Variants in CCDC170 observed in about 807,000 individuals in gnomAD.
CCDC170 encodes the protein coiled-coil domain containing 170.
A neutral mutation model predicts 72.6 loss-of-function variants in CCDC170; 69 were observed. That is an observed-to-expected ratio of 0.95 (90% confidence interval 0.78 to 1.16). CCDC170 has a LOEUF of 1.16. Ranked by LOEUF, CCDC170 falls within the 50% of genes most tolerant of loss-of-function variation. The pLI is 0.00. For synonymous variants in CCDC170, 300 were observed against 303.9 expected, an observed-to-expected ratio of 0.99 and a Z score of 0.13; for missense variants, 852 against 832.5, an observed-to-expected ratio of 1.02 and a Z score of -0.29.
At chr6:151,572,656 T>TTTTTTTGTTG (rs1220471572) in intron 5 of CCDC170, among the ~76,000 whole-genome samples, 57 of 135,680 alleles carry the variant, frequency 4.2e-4, no homozygotes, top group Non-Finnish European at 7.9e-4. Flanking sequence ...TGTGTTTTTT[T>TTTTTTTGTTG]TTTTTTTTTT....
chr6:151,531,774 G>A (rs887146204), intron 1 of CCDC170, among the ~76,000 whole-genome samples: 2 of 152,152 alleles, frequency 1.3e-5, no homozygotes, highest in South Asian at 2.1e-4. Flanking sequence ...GGCAGAAGGG[G>A]AAGAAAATAC....
At chr6:151,597,894 G>A (rs1314886837) in intron 9 of CCDC170, among the ~76,000 whole-genome samples, 2 of 152,180 alleles carry the variant, frequency 1.3e-5, no homozygotes, top group African/African-American at 4.8e-5. Flanking sequence ...GAAGGTTTCC[G>A]AATCTGGAAA....
chr6:151,611,909 C>T (rs1306636106), intron 9 of CCDC170, among the ~76,000 whole-genome samples: 2 of 152,074 alleles, frequency 1.3e-5, no homozygotes, highest in Non-Finnish European at 2.9e-5. Context: ...TGGGGTTTCA[C>T]TATCTTGGCC....
intron 7 of CCDC170, among the ~76,000 whole-genome samples, chr6:151,586,975 G>A (rs975939472): frequency 2.6e-5 from 4 of 151,856 alleles, no homozygotes; most frequent in South Asian, 2.1e-4. Context: ...TAGTAGAGAC[G>A]GGGTATCACT....
chr6:151,569,549 A>G (rs1776189472), intron 5 of CCDC170, among the ~76,000 whole-genome samples: 1 of 152,198 alleles, frequency 6.6e-6, no homozygotes, highest in Non-Finnish European at 1.5e-5. Context: ...GGTTTTGCTC[A>G]CAGGAAGCTT....
rs775942422 is a variant in CCDC170 at position 151,573,302 on chromosome 6, CT to C, written c.904del (p.Ser302LeufsTer8). 17 of 1,614,174 alleles carry C rather than the reference CT, an allele frequency of 1.1e-5. No homozygotes were observed. The highest frequency in any genetic ancestry group is 1.4e-5 in the Non-Finnish European group (17 of 1,180,026). ...AGGAAGTGAGCCTCCTGAAGAAAAG[CT>C]CTTCTGAGTTGGAGAAGAGTTTGAA... is the stretch of plus-strand genomic sequence containing the variant. ...KQEVSLLKKSSSELEKSLKAS... is the reference protein window; with the variant it reads ...KQEVSLLKKSXSELEKSLKAS... On this transcript the variant is annotated frameshift_variant, in exon 6 of 11. Transcript: ENST00000239374. LOFTEE classifies it high-confidence loss of function.
Position 151,596,324 on chromosome 6 carries a change from C to T in CCDC170, c.1468-11C>T. ...TTATTAAAAAAAAAATCCCTGTTTG[C>T]ATCAAACCAGCTAAAGACACAGAAA... On this transcript the variant is annotated splice_polypyrimidine_tract_variant and intron_variant, in intron 8 of 10. Coordinates refer to ENST00000239374, the MANE Select transcript of CCDC170 (RefSeq NM_025059.4). 1 of 1,584,790 alleles carries T rather than the reference C, an allele frequency of 6.3e-7. No homozygotes were observed. The highest frequency in any genetic ancestry group is 8.5e-7 in the Non-Finnish European group (1 of 1,169,750).
chr6:151,581,311 T>A (rs993051548), intron 6 of CCDC170, among the ~76,000 whole-genome samples: 3 of 152,250 alleles, frequency 2.0e-5, no homozygotes, highest in African/African-American at 7.2e-5. Context: ...TTATGTTATA[T>A]TCTAAATGTT....
chr6:151,588,049 A>C (rs893531291), intron 7 of CCDC170, among the ~76,000 whole-genome samples: 1 of 152,148 alleles, frequency 6.6e-6, no homozygotes, highest in African/African-American at 2.4e-5. Flanking sequence ...TGGCGAAACC[A>C]AAGGTGTGAG....
chr6:151,514,231 G>A (rs1462754974), intron 1 of CCDC170, among the ~76,000 whole-genome samples: 2 of 151,398 alleles, frequency 1.3e-5, no homozygotes, highest in South Asian at 2.1e-4. Flanking sequence ...AGACTGGGAG[G>A]TCAAGTCTGC....
intron 9 of CCDC170, among the ~76,000 whole-genome samples, chr6:151,602,478 G>A (rs1165187832): frequency 6.6e-6 from 1 of 152,124 alleles, no homozygotes; most frequent in African/African-American, 2.4e-5. Context: ...AATCACCATT[G>A]ATATGGTTTG....
intron 3 of CCDC170, among the ~76,000 whole-genome samples, chr6:151,539,270 A>AAG (rs1289941716): frequency 6.6e-6 from 1 of 151,584 alleles, no homozygotes; most frequent in East Asian, 1.9e-4. Context: ...CAAAAAAAAA[A>AAG]AATGTTGTAT....
intron 6 of CCDC170, 93 bp from the exon 7 acceptor site, chr6:151,585,795 AT>A: frequency 9.0e-7 from 1 of 1,115,776 alleles, no homozygotes; most frequent in South Asian, 1.7e-5. Flanking sequence ...AGTTGGTATC[AT>A]AAACAGTTAT....
chr6:151,510,198 G>C (rs549697716), intron 1 of CCDC170, among the ~76,000 whole-genome samples: 1 of 152,318 alleles, frequency 6.6e-6, no homozygotes, highest in Non-Finnish European at 1.5e-5. Flanking sequence ...TTTGGCGTCA[G>C]AAAGTCTTGG....
chr6:151,550,051 ATGAATTGGC>A (rs1366861388), intron 5 of CCDC170, among the ~76,000 whole-genome samples: 2 of 152,204 alleles, frequency 1.3e-5, no homozygotes, highest in African/African-American at 4.8e-5. Context: ...TATTTACACA[ATGAATTGGC>A]TGATCTTTTC....
chr6:151,526,107 C>T (rs1562271410), intron 1 of CCDC170, among the ~76,000 whole-genome samples: 1 of 151,296 alleles, frequency 6.6e-6, no homozygotes, highest in Non-Finnish European at 1.5e-5. Flanking sequence ...TTCCTTCCTT[C>T]CTTCCTTCCT....
At chr6:151,536,501 A>G in intron 2 of CCDC170, 55 bp downstream of exon 2, 1 of 1,595,746 alleles carries the variant, frequency 6.3e-7, no homozygotes, top group Non-Finnish European at 8.6e-7. Context: ...TTCTTATAAA[A>G]TGAAACAGAT....
chr6:151,581,296 T>C (rs924829264), intron 6 of CCDC170, among the ~76,000 whole-genome samples: 42 of 152,248 alleles, frequency 2.8e-4, no homozygotes, highest in African/African-American at 9.6e-4. Flanking sequence ...TTTTGTCAGC[T>C]AAATTTATGT....
At chr6:151,533,072 G>C (rs1304926208) in intron 1 of CCDC170, among the ~76,000 whole-genome samples, 1 of 72,638 alleles carries the variant, frequency 1.4e-5, no homozygotes, top group Non-Finnish European at 2.7e-5. Flanking sequence ...TTTTTTTTTT[G>C]AGATGGAGTC....
Sources: allele counts gnomAD v4.1 joint callset (sites outside exome capture counted in the v4.1 genomes callset), GRCh38; gene constraint gnomAD v4.1.1; transcripts MANE v1.5; gene names NCBI Gene and HGNC (gene_info 2026-07-23, HGNC 2026-07-21).